The following ROCK2 variants were observed in gnomAD, a reference collection of about 807,000 sequenced individuals.
The protein encoded by ROCK2 is Rho associated coiled-coil containing protein kinase 2, also known as rho-associated protein kinase 2.
Under a neutral mutation model 195.1 loss-of-function variants are expected in ROCK2, and 61 were observed. The ratio of observed to expected loss-of-function variants is 0.31; its 90% CI spans 0.25 to 0.39. ROCK2 has a LOEUF of 0.39. ROCK2 is among the 10% of genes least tolerant of loss of function. The probability of loss-of-function intolerance (pLI) is 1.00; values close to 1 mark genes in which losing one functional copy is unlikely to be tolerated. For missense variants in ROCK2, 1,109 were observed against 1,637.4 expected (o/e 0.68, Z 5.57); for synonymous variants, 504 against 545.5 (o/e 0.92, Z 1.06).
At chr2:11,335,104 CTG>C in intron 1 of ROCK2, among the ~76,000 whole-genome samples, 10 of 119,712 alleles carry the variant, frequency 8.4e-5, no homozygotes, top group African/African-American at 3.2e-4. Flanking sequence ...TTCCCTTTGA[CTG>C]ATACACACAC....
intron 1 of ROCK2, among the ~76,000 whole-genome samples, chr2:11,313,728 G>A (rs868086859): frequency 4.6e-5 from 7 of 151,704 alleles, no homozygotes; most frequent in South Asian, 4.1e-4. Context: ...TAGATCAGAC[G>A]GGAATTTGTA....
At chr2:11,243,665 T>C (rs1665511792) in intron 4 of ROCK2, among the ~76,000 whole-genome samples, 1 of 152,154 alleles carries the variant, frequency 6.6e-6, no homozygotes, top group African/African-American at 2.4e-5. Context: ...ATAATTCATG[T>C]ACTCCTCCAA....
At chr2:11,230,627 G>C (rs1664972226) in intron 5 of ROCK2, among the ~76,000 whole-genome samples, 1 of 152,140 alleles carries the variant, frequency 6.6e-6, no homozygotes, top group Non-Finnish European at 1.5e-5. Context: ...ATCTACTGAA[G>C]GGTATTAAGC....
chr2:11,275,590 A>G (rs1231167671), intron 3 of ROCK2, among the ~76,000 whole-genome samples: 1 of 152,208 alleles, frequency 6.6e-6, no homozygotes, highest in Non-Finnish European at 1.5e-5. Context: ...ATGGTAAAAC[A>G]TGTGCAAATC....
rs535902404 is a variant in ROCK2 at position 11,307,398 on chromosome 2, C to T, written c.142-19662G>A. Among the ~76,000 whole-genome samples, 8 of 152,330 alleles carry T rather than the reference C, an allele frequency of 5.3e-5. No homozygotes were observed. In the South Asian group the frequency reaches 1.7e-3, roughly 32 times the overall value. ...GTGCGATCTCAGCTCACTGCAACCT[C>T]CGCCTCCCAGGTTCAAGCAATTCTC... On this transcript the variant is annotated intron_variant, in intron 1 of 32. Transcript: ENST00000315872.
rs572579189 is a variant in ROCK2 at position 11,268,386 on chromosome 2, G to C, written c.324+18153C>G. On this transcript the variant is annotated intron_variant, in intron 3 of 32. Transcript: ENST00000315872. Reference sequence around the variant, plus strand: ...GAAAAATCCCCTCACACTTCCAAGAGGGTTAAAGGGAAAGGAACATTTTGA... The same window carrying C: ...GAAAAATCCCCTCACACTTCCAAGACGGTTAAAGGGAAAGGAACATTTTGA... Among the ~76,000 whole-genome samples the C allele has an allele frequency of 3.3e-4, 51 of 152,278 alleles. 1 individual carries two copies. The highest frequency in any genetic ancestry group is 1.1e-3 in the African/African-American group (44 of 41,546).
At chr2:11,189,719 T>C (rs1016137065) in intron 32 of ROCK2, among the ~76,000 whole-genome samples, 2 of 152,128 alleles carry the variant, frequency 1.3e-5, no homozygotes, top group Non-Finnish European at 2.9e-5. Context: ...TGGTGGCTCA[T>C]GCCTGTAATC....
intron 27 of ROCK2, among the ~76,000 whole-genome samples, chr2:11,195,784 G>C (rs1663612580): frequency 6.6e-6 from 1 of 152,148 alleles, no homozygotes; most frequent in Admixed American, 6.5e-5. Context: ...CAAAGTGCTA[G>C]GATTATAGGC....
At chr2:11,252,967 A>G (rs1423003301) in intron 3 of ROCK2, among the ~76,000 whole-genome samples, 1 of 134,738 alleles carries the variant, frequency 7.4e-6, no homozygotes, top group Non-Finnish European at 1.6e-5. Context: ...AATAATAATA[A>G]TAATAATAAT....
At chr2:11,238,988 A>G (rs1224240446) in intron 4 of ROCK2, among the ~76,000 whole-genome samples, 1 of 152,186 alleles carries the variant, frequency 6.6e-6, no homozygotes, top group African/African-American at 2.4e-5. Context: ...TAATTAAAAA[A>G]AAAAAGTTTG....
chr2:11,271,882 T>C (rs1395667879), intron 3 of ROCK2, among the ~76,000 whole-genome samples: 1 of 152,010 alleles, frequency 6.6e-6, no homozygotes, highest in African/African-American at 2.4e-5. Context: ...TAGCCGGGCG[T>C]GGTGGCGGGC....
intron 1 of ROCK2, among the ~76,000 whole-genome samples, chr2:11,294,383 C>T (rs1667450573): frequency 6.6e-6 from 1 of 152,058 alleles, no homozygotes; most frequent in Non-Finnish European, 1.5e-5. Flanking sequence ...TATAACATCT[C>T]CTTATTTAAT....
At chr2:11,185,065 C>T (rs1663142271) in intron 32 of ROCK2, among the ~76,000 whole-genome samples, 1 of 152,276 alleles carries the variant, frequency 6.6e-6, no homozygotes, top group Middle Eastern at 3.4e-3. Flanking sequence ...CCCAGATAAA[C>T]ACATAACCAT....
chr2:11,339,265 A>AT (rs2148278528), intron 1 of ROCK2, among the ~76,000 whole-genome samples: 1 of 152,348 alleles, frequency 6.6e-6, no homozygotes, highest in African/African-American at 2.4e-5. Context: ...GAATGGACAG[A>AT]TAAAGAAAAT....
intron 5 of ROCK2, chr2:11,234,412 T>C (rs909967641): frequency 6.6e-6 from 1 of 152,198 alleles, no homozygotes; most frequent in Non-Finnish European, 1.5e-5. Flanking sequence ...TTCTCTTATG[T>C]ATAGCAGACA....
chr2:11,286,610 G>A lies in ROCK2; in HGVS notation c.253C>T (p.Leu85=), dbSNP rs956376548. 7 of 1,608,400 alleles carry A rather than the reference G, an allele frequency of 4.4e-6. No individual in the cohort carries two copies. The African/African-American group carries it at 9.4e-5, about 22-fold the overall frequency. The change falls in exon 3 of 33, where the codon CTA becomes TTA. Residue 85 remains leucine, a synonymous_variant. Transcript: ENST00000315872. The part of the protein sequence containing the change: ...YEKIVKKIRG[L]QMKAEDYDVV... The stretch of plus-strand genomic sequence containing the variant: ...TCATAGTCTTCTGCCTTCATCTGTA[G>A]ACCTCTGATTTTTTTCACAATTTTC...
intron 4 of ROCK2, among the ~76,000 whole-genome samples, chr2:11,242,201 T>C (rs1665450568): frequency 6.6e-6 from 1 of 152,000 alleles, no homozygotes; most frequent in African/African-American, 2.4e-5. Context: ...GACAGATTAA[T>C]AGGGAAAAAA....
chr2:11,290,913 C>T (rs1667343054), intron 1 of ROCK2, among the ~76,000 whole-genome samples: 1 of 152,020 alleles, frequency 6.6e-6, no homozygotes, highest in Non-Finnish European at 1.5e-5. Flanking sequence ...TTCAATCAAG[C>T]CTTGGTCTAT....
intron 1 of ROCK2, among the ~76,000 whole-genome samples, chr2:11,303,059 T>C (rs1329579237): frequency 6.6e-6 from 1 of 152,176 alleles, no homozygotes; most frequent in African/African-American, 2.4e-5. Context: ...CAAGGCTGAG[T>C]GCTAAGCATT....
Sources: gnomAD v4.1 joint callset for allele counts (sites outside exome capture counted in the v4.1 genomes callset) on GRCh38, gnomAD v4.1.1 for gene constraint, MANE v1.5 for transcripts, NCBI Gene and HGNC (gene_info 2026-07-23, HGNC 2026-07-21) for gene names.